NEXMIF: variants seen among roughly 807,000 people sequenced by gnomAD.
NEXMIF encodes neurite extension and migration factor, also known as XLMR protein related to neurite extension.
In NEXMIF, 8 loss-of-function variants were observed where a neutral mutation model predicts 62.1. That is an observed-to-expected ratio of 0.13 (90% CI 0.08 to 0.23). The LOEUF (loss-of-function observed/expected upper bound fraction) is 0.23, where lower values mean the gene tolerates loss of function less well. Ranked by LOEUF, NEXMIF falls within the 10% of genes least tolerant of loss-of-function variation. The probability of loss-of-function intolerance (pLI) is 1.00; values close to 1 mark genes in which losing one functional copy is unlikely to be tolerated. For synonymous variants in NEXMIF, 404 were observed against 416.6 expected, an observed-to-expected ratio of 0.97 and a Z score of 0.37; for missense variants, 976 against 1,113.3, an observed-to-expected ratio of 0.88 and a Z score of 1.75.
At chrX:74,751,786 CCTCT>C in intron 1 of NEXMIF, among the ~76,000 whole-genome samples, 1 of 93,009 alleles carries the variant, frequency 1.1e-5, no homozygotes, top group Middle Eastern at 5.7e-3. Flanking sequence ...TCCCTCCCTC[CCTCT>C]TCTTTCCTTC....
intron 1 of NEXMIF, among the ~76,000 whole-genome samples, chrX:74,858,003 A>G (rs1432645532): frequency 8.9e-6 from 1 of 112,151 alleles, no homozygotes; most frequent in Non-Finnish European, 1.9e-5. Context: ...CTGCAATATA[A>G]TAGAACACCA....
intron 1 of NEXMIF, among the ~76,000 whole-genome samples, chrX:74,763,731 T>C (rs1406327797): frequency 9.0e-6 from 1 of 111,583 alleles, no homozygotes; most frequent in Non-Finnish European, 1.9e-5. Context: ...TTGAAGCCAA[T>C]TGTGAATGGG....
At chrX:74,918,517 C>T (rs1278752532) in intron 1 of NEXMIF, among the ~76,000 whole-genome samples, 1 of 111,782 alleles carries the variant, frequency 8.9e-6, no homozygotes, top group African/African-American at 3.3e-5. Context: ...AGTGGCACAA[C>T]AAAATTTGGA....
intron 3 of NEXMIF, 94 bp from the exon 4 acceptor site, chrX:74,739,592 T>A: frequency 2.0e-6 from 1 of 503,445 alleles, no homozygotes. Context: ...AACATCATAC[T>A]AGATGCCGTA....
chrX:74,900,984 T>C (rs185711863), intron 1 of NEXMIF, among the ~76,000 whole-genome samples: 17 of 111,696 alleles, frequency 1.5e-4, no homozygotes, highest in African/African-American at 5.5e-4. Flanking sequence ...GAATGCTGGC[T>C]GCCAGGGGCT....
chrX:74,797,911 C>T (rs746665835), intron 1 of NEXMIF, among the ~76,000 whole-genome samples: 2 of 112,276 alleles, frequency 1.8e-5, no homozygotes, highest in Admixed American at 9.4e-5. Context: ...ATGGCATAAG[C>T]CTCTTTTCCT....
chrX:74,792,464 G>A (rs1200334298), intron 1 of NEXMIF, among the ~76,000 whole-genome samples: 2 of 107,017 alleles, frequency 1.9e-5, no homozygotes, highest in Non-Finnish European at 1.9e-5. Flanking sequence ...GATTTGGGGT[G>A]GAGAGTTCTG....
intron 1 of NEXMIF, among the ~76,000 whole-genome samples, chrX:74,796,633 A>G (rs2080312921): frequency 9.0e-6 from 1 of 110,520 alleles, no homozygotes; most frequent in Admixed American, 9.8e-5. Flanking sequence ...GGACGCAGGA[A>G]CCAACCTGAA....
chrX:74,758,889 A>T lies in NEXMIF; in HGVS notation c.-47-13192T>A, dbSNP rs147088092. The stretch of plus-strand genomic sequence containing the variant: ...ATGTATGCATGTGTCTTTATAACAG[A>T]ATGATTTATATTCCTTTGCATATAT... On this transcript the variant is annotated intron_variant, in intron 1 of 3. Transcript: ENST00000055682. 7.7e-3 allele frequency among the ~76,000 whole-genome samples: 860 copies of T among 112,258 alleles called. 5 individuals carry two copies. The highest frequency in any genetic ancestry group is 0.012 in the Non-Finnish European group (617 of 53,226).
intron 1 of NEXMIF, among the ~76,000 whole-genome samples, chrX:74,751,760 C>T (rs1345376638): frequency 1.1e-5 from 1 of 93,078 alleles, no homozygotes; most frequent in Admixed American, 1.2e-4. Context: ...CCTTCCTTCC[C>T]TTCCTCTTCT....
chrX:74,752,171 AAATT>A (rs1363773328), intron 1 of NEXMIF, among the ~76,000 whole-genome samples: 1 of 111,693 alleles, frequency 9.0e-6, no homozygotes, highest in Non-Finnish European at 1.9e-5. Flanking sequence ...ATGCAAGAAT[AAATT>A]CTGATTTAAG....
At position 74,852,187 on chromosome X, in the gene NEXMIF, A is replaced by T. The variant is rs1317029180; in HGVS notation, c.-48+72696T>A. Among the ~76,000 whole-genome samples, 3 of 112,110 alleles carry T rather than the reference A, an allele frequency of 2.7e-5. No individual in the cohort carries two copies. In the East Asian group the frequency reaches 8.4e-4, roughly 31 times the overall value. ...TAGCTATGTTTAAATAAGACAAAAG[A>T]TACTTTAACTTGAAAACAATAAAAA... On this transcript the variant is annotated intron_variant, in intron 1 of 3. Coordinates refer to ENST00000055682, the MANE Select transcript of NEXMIF (RefSeq NM_001008537.3).
intron 1 of NEXMIF, among the ~76,000 whole-genome samples, chrX:74,780,804 C>T (rs1396258420): frequency 8.9e-6 from 1 of 111,791 alleles, no homozygotes; most frequent in Non-Finnish European, 1.9e-5. Context: ...CAAACTCAGT[C>T]AGAGAAGTTA....
At chrX:74,876,268 C>G (rs1156588410) in intron 1 of NEXMIF, among the ~76,000 whole-genome samples, 2 of 111,282 alleles carry the variant, frequency 1.8e-5, no homozygotes, top group Admixed American at 9.5e-5. Context: ...CATTCAGGAG[C>G]AGGTTGCTCA....
intron 1 of NEXMIF, among the ~76,000 whole-genome samples, chrX:74,840,938 T>A (rs1203819174): frequency 1.8e-5 from 2 of 112,049 alleles, no homozygotes; most frequent in Non-Finnish European, 3.8e-5. Flanking sequence ...TTGTTCTTCT[T>A]GCTTAGTATT....
chrX:74,829,696 A>G (rs1320681481), intron 1 of NEXMIF, among the ~76,000 whole-genome samples: 1 of 111,624 alleles, frequency 9.0e-6, no homozygotes, highest in East Asian at 2.8e-4. Flanking sequence ...CCTTTTCTCC[A>G]CATTCTTACC....
At chrX:74,853,488 T>C (rs1397198126) in intron 1 of NEXMIF, among the ~76,000 whole-genome samples, 2 of 108,803 alleles carry the variant, frequency 1.8e-5, no homozygotes, top group South Asian at 4.1e-4. Flanking sequence ...AGATGCCACA[T>C]TGAATGTACC....
intron 1 of NEXMIF, among the ~76,000 whole-genome samples, chrX:74,837,331 T>G (rs769986198): frequency 8.9e-6 from 1 of 112,161 alleles, no homozygotes; most frequent in Non-Finnish European, 1.9e-5. Context: ...TTGGTGTTCC[T>G]GTGGGGAGTA....
At position 74,819,647 on chromosome X, in the gene NEXMIF, A is replaced by G. The variant is rs376567896; in HGVS notation, c.-47-73950T>C. On this transcript the variant is annotated intron_variant, in intron 1 of 3. Transcript: ENST00000055682. ...CAAAACCACAATGAGATACCATCCC[A>G]CGCCAGTTAGAATGGCGATCATTAA... Among the ~76,000 whole-genome samples the G allele has an allele frequency of 4.5e-5, 5 of 112,175 alleles. No homozygotes were observed. The East Asian group carries it at 1.4e-3, about 32-fold the overall frequency.
Sources: gnomAD v4.1 joint callset for allele counts (sites outside exome capture counted in the v4.1 genomes callset) on GRCh38, gnomAD v4.1.1 for gene constraint, MANE v1.5 for transcripts, NCBI Gene and HGNC (gene_info 2026-07-23, HGNC 2026-07-21) for gene names.